The following GRXCR1 variants were observed in gnomAD, a reference collection of about 807,000 sequenced individuals.
GRXCR1 encodes the protein glutaredoxin and cysteine rich domain containing 1.
In GRXCR1, 27 loss-of-function variants were observed where a neutral mutation model predicts 27.3. That is an observed-to-expected ratio of 0.99 (90% CI 0.73 to 1.37). The LOEUF (loss-of-function observed/expected upper bound fraction) is 1.37. GRXCR1 is among the 40% of genes most tolerant of loss of function. GRXCR1 has a pLI of 0.00. For synonymous variants in GRXCR1, 122 were observed against 131.1 expected (o/e 0.93, Z 0.47); for missense variants, 379 against 354.4 (o/e 1.07, Z -0.56).
chr4:42,942,844 A>T (rs1031827318), intron 1 of GRXCR1, among the ~76,000 whole-genome samples: 2 of 152,134 alleles, frequency 1.3e-5, no homozygotes, highest in Non-Finnish European at 2.9e-5. Context: ...TAAAAAATAG[A>T]TAACTATAAT....
Position 42,980,994 on chromosome 4 carries a change from T to G in GRXCR1, c.627+17860T>G, listed in dbSNP as rs1577930213. ...TTGTATCCATTCAGCTACTGTATCT[T>G]TTTATTGGAGAATTGAATCAATTTA... is the stretch of plus-strand genomic sequence containing the variant. On this transcript the variant is annotated intron_variant, in intron 2 of 3. Transcript: ENST00000399770. 2.6e-5 allele frequency among the ~76,000 whole-genome samples: 4 copies of G among 151,780 alleles called. No individual in the cohort carries two copies. The East Asian group carries it at 7.7e-4, about 29-fold the overall frequency.
At chr4:42,969,155 T>G (rs1194142378) in intron 2 of GRXCR1, among the ~76,000 whole-genome samples, 1 of 152,168 alleles carries the variant, frequency 6.6e-6, no homozygotes, top group East Asian at 1.9e-4. Context: ...TAATAACTAG[T>G]GTCATAAACC....
At chr4:42,905,134 C>G (rs1170698341) in intron 1 of GRXCR1, among the ~76,000 whole-genome samples, 2 of 152,176 alleles carry the variant, frequency 1.3e-5, no homozygotes, top group Admixed American at 1.3e-4. Context: ...CTTGGAGATC[C>G]TGTCTTGGCT....
intron 2 of GRXCR1, among the ~76,000 whole-genome samples, chr4:42,982,670 C>A (rs1393073640): frequency 6.6e-5 from 9 of 135,906 alleles, no homozygotes; most frequent in African/African-American, 2.4e-4. Flanking sequence ...ACAGTCCCAC[C>A]AACAGTGTAA....
intron 2 of GRXCR1, among the ~76,000 whole-genome samples, chr4:42,980,153 A>G (rs966961688): frequency 1.3e-5 from 2 of 150,968 alleles, no homozygotes; most frequent in African/African-American, 4.9e-5. Flanking sequence ...TTCTGTTCTC[A>G]TCTTTGTTAA....
At chr4:42,893,879 CT>C (rs1316578150) in intron 1 of GRXCR1, among the ~76,000 whole-genome samples, 1 of 152,110 alleles carries the variant, frequency 6.6e-6, no homozygotes, top group East Asian at 1.9e-4. Context: ...CATAAGTGGT[CT>C]TTTTTTCCTT....
At chr4:42,992,943 G>GA (rs1159495766) in intron 2 of GRXCR1, among the ~76,000 whole-genome samples, 1 of 151,830 alleles carries the variant, frequency 6.6e-6, no homozygotes, top group East Asian at 1.9e-4. Flanking sequence ...AATTTGGGGA[G>GA]AAAAAAATAA....
chr4:42,895,809 G>A (rs2109734802), intron 1 of GRXCR1, among the ~76,000 whole-genome samples: 1 of 152,138 alleles, frequency 6.6e-6, no homozygotes, highest in African/African-American at 2.4e-5. Flanking sequence ...CCACAGAGAA[G>A]CCCCAGGGGC....
intron 2 of GRXCR1, among the ~76,000 whole-genome samples, chr4:43,006,985 C>T (rs1473442744): frequency 6.6e-6 from 1 of 152,092 alleles, no homozygotes; most frequent in Non-Finnish European, 1.5e-5. Context: ...GGCAGGTTCC[C>T]CGATAAAGGA....
At chr4:42,947,881 T>C (rs1319498569) in intron 1 of GRXCR1, among the ~76,000 whole-genome samples, 1 of 152,174 alleles carries the variant, frequency 6.6e-6, no homozygotes, top group East Asian at 1.9e-4. Context: ...GTATAGTACA[T>C]GTAGTGAAAA....
intron 1 of GRXCR1, among the ~76,000 whole-genome samples, chr4:42,937,807 G>A (rs1008821408): frequency 6.6e-6 from 1 of 151,844 alleles, no homozygotes; most frequent in South Asian, 2.1e-4. Flanking sequence ...TACATAGTAG[G>A]TATGTATATA....
intron 2 of GRXCR1, among the ~76,000 whole-genome samples, chr4:42,994,161 C>G (rs1008272719): frequency 6.6e-6 from 1 of 152,002 alleles, no homozygotes; most frequent in African/African-American, 2.4e-5. Flanking sequence ...TCAGTCAGTT[C>G]GTGTTGTATC....
At chr4:42,976,818 G>A (rs192822304) in intron 2 of GRXCR1, among the ~76,000 whole-genome samples, 116 of 151,936 alleles carry the variant, frequency 7.6e-4, no homozygotes, top group African/African-American at 2.7e-3. Context: ...TTTTTGTGGG[G>A]AGACTATTTA....
chr4:42,986,760 A>G (rs1050413535), intron 2 of GRXCR1, among the ~76,000 whole-genome samples: 2 of 152,060 alleles, frequency 1.3e-5, no homozygotes, highest in Non-Finnish European at 2.9e-5. Context: ...ATTCTCTGGA[A>G]CTCAGGTAAT....
At chr4:42,948,773 A>T (rs1449580262) in intron 1 of GRXCR1, among the ~76,000 whole-genome samples, 1 of 152,062 alleles carries the variant, frequency 6.6e-6, no homozygotes, top group South Asian at 2.1e-4. Flanking sequence ...GGGTCCTTAT[A>T]AAAAGGAGGC....
intron 1 of GRXCR1, among the ~76,000 whole-genome samples, chr4:42,928,782 G>C (rs937645796): frequency 2.0e-5 from 3 of 151,904 alleles, no homozygotes; most frequent in Admixed American, 2.0e-4. Flanking sequence ...AATGCTATAG[G>C]GGTGGTCCCT....
At chr4:42,967,460 A>C (rs1748274042) in intron 2 of GRXCR1, among the ~76,000 whole-genome samples, 1 of 151,488 alleles carries the variant, frequency 6.6e-6, no homozygotes, top group Admixed American at 6.6e-5. Context: ...TTTTTTGGAA[A>C]TATTTCTTTT....
chr4:43,029,695 C>T (rs1165486108), intron 3 of GRXCR1, among the ~76,000 whole-genome samples: 1 of 152,124 alleles, frequency 6.6e-6, no homozygotes, highest in African/African-American at 2.4e-5. Context: ...AATAGACTTA[C>T]AGAAATGTCT....
intron 1 of GRXCR1, among the ~76,000 whole-genome samples, chr4:42,910,950 C>G (rs905790171): frequency 1.3e-5 from 2 of 152,064 alleles, no homozygotes; most frequent in African/African-American, 4.8e-5. Context: ...CATGGTTCTC[C>G]TCTTAGTGTT....
Sources: allele counts gnomAD v4.1 joint callset (sites outside exome capture counted in the v4.1 genomes callset), GRCh38; gene constraint gnomAD v4.1.1; transcripts MANE v1.5; gene names NCBI Gene and HGNC (gene_info 2026-07-23, HGNC 2026-07-21).